The following MEGF8 variants were observed in gnomAD, a reference collection of about 807,000 sequenced individuals.
The protein encoded by MEGF8 is multiple epidermal growth factor-like domains protein 8.
In MEGF8, 156 loss-of-function variants were observed where a neutral mutation model predicts 302.9. That is an observed-to-expected ratio of 0.52 (90% CI 0.45 to 0.59). The LOEUF is 0.59. Among genes scored for constraint, MEGF8 ranks in the 20% least tolerant of loss-of-function variants. The probability of loss-of-function intolerance (pLI) is 0.00; values close to 1 mark genes in which losing one functional copy is unlikely to be tolerated. For synonymous variants in MEGF8, 1,621 were observed against 1,660.5 expected, an observed-to-expected ratio of 0.98 and a Z score of 0.58; for missense variants, 3,345 against 3,964.5, an observed-to-expected ratio of 0.84 and a Z score of 4.20.
rs35096733 is a variant in MEGF8, at chr19:42,341,429, C to CAA, written c.1514-2028_1514-2027dup. Among the ~76,000 whole-genome samples the CAA allele has an allele frequency of 2.9e-3, 162 of 56,222 alleles. 1 individual carries two copies. The highest frequency in any genetic ancestry group is 0.016 in the South Asian group (28 of 1,802). 36.9% of individuals were successfully genotyped at this position (56,222 alleles called of 152,430 possible). ...GGGTAACAGAGGGATACTCCATCTC[C>CAA]AAAAAAAAAAAAAAAAAAAAACACA... On this transcript the variant is annotated intron_variant, in intron 8 of 41. Coordinates refer to ENST00000251268, the MANE Select transcript of MEGF8 (RefSeq NM_001271938.2).
Position 42,370,262 on chromosome 19 carries a change from A to G in MEGF8, c.6908A>G (p.His2303Arg). Residue 2303 changes from histidine (H) to arginine (R), a missense_variant, in exon 39 of 42, where the codon CAC (histidine) becomes CGC (arginine). His to Arg is a conservative substitution (Grantham distance 29, BLOSUM62 0). Transcript: ENST00000251268. ...AVGGGTCRPC[H>R]AFCRGNSHIC... The stretch of plus-strand genomic sequence containing the variant: ...GGAGGCGGGACCTGCCGGCCCTGCC[A>G]CGCCTTTTGTCGTGGAAATAGCCAC... 6.2e-7 allele frequency: 1 copy of G among 1,613,928 alleles called. No homozygotes were observed. The highest frequency in any genetic ancestry group is 8.5e-7 in the Non-Finnish European group (1 of 1,179,890).
At chr19:42,333,149 G>A (rs1200619096) in intron 1 of MEGF8, among the ~76,000 whole-genome samples, 1 of 152,178 alleles carries the variant, frequency 6.6e-6, no homozygotes, top group Admixed American at 6.5e-5. Context: ...TCTATTCAGC[G>A]TGGGCCAGGG....
Position 42,357,502 on chromosome 19 carries a change from T to C in MEGF8, c.4929T>C (p.Asn1643=), listed in dbSNP as rs747890643. 16 of 1,613,442 alleles carry C rather than the reference T, an allele frequency of 9.9e-6. No individual in the cohort carries two copies. Among genetic ancestry groups the C allele is most frequent in the South Asian group, 7.7e-5 (7 of 91,068 alleles). The change falls in exon 28 of 42, where the codon AAT becomes AAC. Residue 1643 remains asparagine (N), a synonymous_variant. Coordinates refer to ENST00000251268, the MANE Select transcript of MEGF8 (RefSeq NM_001271938.2). This position sits in a 1 kb window ranked among gnomAD's most constrained non-coding sequence, Gnocchi z 5.2. ...TGGTGGGCGGTTACTCCCCGGAAAA[T>C]GGCTTCAACCAGCAGCTGCTGGAGT... ...LLLVGGYSPE[N]GFNQQLLEYQ...
At position 42,359,173 on chromosome 19, in the gene MEGF8, G is replaced by A; in HGVS notation, c.5419G>A (p.Asp1807Asn). The A allele has an allele frequency of 6.2e-7, 1 of 1,603,916 alleles. No homozygotes were observed. Among genetic ancestry groups the A allele is most frequent in the South Asian group, 1.1e-5 (1 of 89,748 alleles). The change falls in exon 31 of 42, where the codon GAC becomes AAC. Residue 1807 changes from aspartate (D) to asparagine (N), a missense_variant. Physicochemically the swap from Asp to Asn is conservative, Grantham distance 23 (BLOSUM62 1). Coordinates refer to ENST00000251268, the MANE Select transcript of MEGF8 (RefSeq NM_001271938.2). ...MVVLGGRSDP[D>N]EFSSDVLLYQ... ...GGTTCTTGGGGGGCGCTCGGACCCT[G>A]ACGAGTTCAGCAGCGACGTTCTGCT...
chr19:42,334,155 C>T lies in MEGF8; in HGVS notation c.500C>T (p.Pro167Leu), dbSNP rs62114375. 1.2e-6 allele frequency: 2 copies of T among 1,611,412 alleles called. No homozygotes were observed. Among genetic ancestry groups the T allele is most frequent in the Admixed American group, 3.3e-5 (2 of 59,970 alleles). The change falls in exon 3 of 42, where the codon CCT becomes CTT. Residue 167 changes from proline (P) to leucine (L), a missense_variant. By Grantham distance (98) the Pro-to-Leu change is moderately conservative (BLOSUM62 -3). Coordinates refer to ENST00000251268, the MANE Select transcript of MEGF8 (RefSeq NM_001271938.2). ...VCACEPGWGG[P>L]DCGLQECSAY... ...GCCTGCGAGCCGGGCTGGGGGGGTC[C>T]TGACTGTGGCCTGCAGGAGTGCTCA...
rs112934297 is a variant in MEGF8, at chr19:42,355,861, C to T, written c.4248C>T (p.Pro1416=). 4.3e-5 allele frequency: 67 copies of T among 1,569,472 alleles called. No homozygotes were observed. In the African/African-American group the frequency reaches 4.6e-4, roughly 11 times the overall value. The change falls in exon 24 of 42, where the codon CCC becomes CCT. Residue 1416 remains proline, a synonymous_variant. Coordinates refer to ENST00000251268, the MANE Select transcript of MEGF8 (RefSeq NM_001271938.2). ...RCGSGGPGSC[P]VPQECVPQDG... is the part of the protein sequence containing the mutation. ...GGTCAGGGGGCCCCGGGAGCTGTCC[C>T]GTCCCCCAGGAATGCGTGCCCCAGG... is the stretch of plus-strand genomic sequence containing the variant.
At position 42,355,913 on chromosome 19, in the gene MEGF8, C is replaced by A. The variant is rs1035497941; in HGVS notation, c.4300C>A (p.Arg1434=). The A allele has an allele frequency of 1.9e-6, 3 of 1,598,396 alleles. 1 individual carries two copies. The African/African-American group carries it at 4.0e-5, about 21-fold the overall frequency. ...QDGAAGAGLC[R]CPQGWAGPHC... Reference sequence around the variant, plus strand: ...CGGTGCTGCAGGTGCGGGGCTCTGCCGATGTCCTCAGGGCTGGGCTGGCCC... The same window carrying A: ...CGGTGCTGCAGGTGCGGGGCTCTGCAGATGTCCTCAGGGCTGGGCTGGCCC... Residue 1434 remains arginine, a synonymous_variant, in exon 24 of 42, where the codon CGA becomes AGA. Coordinates refer to ENST00000251268, the MANE Select transcript of MEGF8 (RefSeq NM_001271938.2).
rs1208577092 is a variant in MEGF8 at position 42,359,167 on chromosome 19, G to A, written c.5413G>A (p.Asp1805Asn). ...DTMVVLGGRSDPDEFSSDVLL... is the reference protein window; with the variant it reads ...DTMVVLGGRSNPDEFSSDVLL... ...CATGGTGGTTCTTGGGGGGCGCTCGGACCCTGACGAGTTCAGCAGCGACGT... is the reference window on the plus strand; with the variant it reads ...CATGGTGGTTCTTGGGGGGCGCTCGAACCCTGACGAGTTCAGCAGCGACGT... Residue 1805 changes from aspartate (D) to asparagine (N), a missense_variant, in exon 31 of 42, where the codon GAC (aspartate) becomes AAC (asparagine). By Grantham distance (23) the Asp-to-Asn change is conservative. Transcript: ENST00000251268. 1 of 1,602,702 alleles carries A rather than the reference G, an allele frequency of 6.2e-7. No homozygotes were observed. The highest frequency in any genetic ancestry group is 8.5e-7 in the Non-Finnish European group (1 of 1,174,842).
chr19:42,356,955 A>C lies in MEGF8; in HGVS notation c.4804A>C (p.Thr1602Pro). 1 of 1,608,528 alleles carries C rather than the reference A, an allele frequency of 6.2e-7. No individual in the cohort carries two copies. The highest frequency in any genetic ancestry group is 8.5e-7 in the Non-Finnish European group (1 of 1,177,772). Residue 1602 changes from threonine to proline, a missense_variant, in exon 27 of 42, where the codon ACC becomes CCC. By Grantham distance (38) the Thr-to-Pro change is conservative. Coordinates refer to ENST00000251268, the MANE Select transcript of MEGF8 (RefSeq NM_001271938.2). This position sits in a 1 kb window ranked among gnomAD's most constrained non-coding sequence, Gnocchi z 5.2. The stretch of plus-strand genomic sequence containing the variant: ...CCGTGATTTCTGGGTCCTCAACCTC[A>C]CCACCCTGCAATGGCGGCAGGAGAA... ...VTRDFWVLNL[T>P]TLQWRQEKAP...
Position 42,357,077 on chromosome 19 carries a change from C to T in MEGF8, c.4830+96C>T. 7.8e-7 allele frequency: 1 copy of T among 1,283,512 alleles called. No homozygotes were observed. Among genetic ancestry groups the T allele is most frequent in the Non-Finnish European group, 1.1e-6 (1 of 945,382 alleles). 79.5% of individuals were successfully genotyped at this position (1,283,512 alleles called of 1,614,324 possible). A position where few individuals can be genotyped will look rare whatever the true frequency, so the allele number is the denominator to read the frequency against. On this transcript the variant is annotated intron_variant, in intron 27 of 41. Coordinates refer to ENST00000251268, the MANE Select transcript of MEGF8 (RefSeq NM_001271938.2). This position sits in a 1 kb window ranked among gnomAD's most constrained non-coding sequence, Gnocchi z 5.2. ...CTGCCAGCTCCATCCCCAGAGGAAA[C>T]AGAAGCCCCAAACTTGAATTTCCTC...
chr19:42,366,391 G>A (rs551515759), intron 35 of MEGF8, among the ~76,000 whole-genome samples: 1 of 152,232 alleles, frequency 6.6e-6, no homozygotes, highest in South Asian at 2.1e-4. Flanking sequence ...AGTAGAGACT[G>A]GGTGTCACCA....
chr19:42,368,209 C>T lies in MEGF8; in HGVS notation c.6274-246C>T, dbSNP rs1384508248. On this transcript the variant is annotated intron_variant, in intron 35 of 41. Transcript: ENST00000251268. The surrounding 1 kb of genome is among the most constrained non-coding windows in gnomAD (Gnocchi z 4.9). ...TTGGGATTACAGGTGTGAGCCACTGCGGCCAGGCAACCTTCCAGTTTCAAG... is the reference window on the plus strand; with the variant it reads ...TTGGGATTACAGGTGTGAGCCACTGTGGCCAGGCAACCTTCCAGTTTCAAG... Among the ~76,000 whole-genome samples, 3 of 152,258 alleles carry T rather than the reference C, an allele frequency of 2.0e-5. No individual in the cohort carries two copies. In the East Asian group the frequency reaches 5.8e-4, roughly 29 times the overall value.
In MEGF8 at chr19:42,369,733, C is replaced by T. The variant is rs1231754468; in HGVS notation, c.6834+10C>T. 4 of 1,593,568 alleles carry T rather than the reference C, an allele frequency of 2.5e-6. No individual in the cohort carries two copies. The highest frequency in any genetic ancestry group is 2.6e-6 in the Non-Finnish European group (3 of 1,171,530). On this transcript the variant is annotated intron_variant, in intron 38 of 41. Transcript: ENST00000251268. This position sits in a 1 kb window ranked among gnomAD's most constrained non-coding sequence, Gnocchi z 5.7. ...CCGCAACCACACCAAGGTGGGCCGC[C>T]CGGAGCCTCAGACCCCCGACCCTGG... is the stretch of plus-strand genomic sequence containing the variant.
rs1412364617 is a variant in MEGF8 at position 42,357,590 on chromosome 19, G to C, written c.5011+6G>C. 2 of 1,588,386 alleles carry C rather than the reference G, an allele frequency of 1.3e-6. No homozygotes were observed. The highest frequency in any genetic ancestry group is 2.3e-5 in the East Asian group (1 of 43,446). On this transcript the variant is annotated splice_donor_region_variant and intron_variant, in intron 28 of 41. Coordinates refer to ENST00000251268, the MANE Select transcript of MEGF8 (RefSeq NM_001271938.2). The surrounding 1 kb of genome is among the most constrained non-coding windows in gnomAD (Gnocchi z 5.2). The stretch of plus-strand genomic sequence containing the variant: ...GAGTGGGACACCCCCCACAGGTGGG[G>C]CTGGGGACCGGGAGGGGACAGCCCC...
chr19:42,358,221 G>C lies in MEGF8; in HGVS notation c.5089G>C (p.Glu1697Gln). The change falls in exon 29 of 42, where the codon GAG becomes CAG. Residue 1697 changes from glutamate (E) to glutamine (Q), a missense_variant. Glu to Gln is a conservative substitution (Grantham distance 29). Coordinates refer to ENST00000251268, the MANE Select transcript of MEGF8 (RefSeq NM_001271938.2). This position sits in a 1 kb window ranked among gnomAD's most constrained non-coding sequence, Gnocchi z 4.4. ...YVFGGFRFHVELAAPSPELYS... is the reference protein window; with the variant it reads ...YVFGGFRFHVQLAAPSPELYS... ...GTTTGGGGGGTTCCGATTCCATGTG[G>C]AGCTGGCGGCCCCATCCCCCGAGCT... 1.9e-6 allele frequency: 3 copies of C among 1,599,994 alleles called. No individual in the cohort carries two copies. The South Asian group carries it at 3.4e-5, about 18-fold the overall frequency.
chr19:42,333,961 A>G lies in MEGF8; in HGVS notation c.352-46A>G, dbSNP rs751814110. 1.3e-5 allele frequency: 21 copies of G among 1,580,162 alleles called. No individual in the cohort carries two copies. The African/African-American group carries it at 2.2e-4, about 16-fold the overall frequency. ...AGGAGTGGGCCACCCTCCCAGGACA[A>G]TCCCCAGGCCCTGCCCACCTTACCC... On this transcript the variant is annotated intron_variant, in intron 2 of 41. Coordinates refer to ENST00000251268, the MANE Select transcript of MEGF8 (RefSeq NM_001271938.2).
At chr19:42,339,902 C>G (rs1022168076) in intron 8 of MEGF8, among the ~76,000 whole-genome samples, 7 of 152,036 alleles carry the variant, frequency 4.6e-5, no homozygotes, top group African/African-American at 1.7e-4. Flanking sequence ...ACTAAAAATA[C>G]AAAAAATTAG....
Position 42,348,443 on chromosome 19 carries a change from A to G in MEGF8, c.2269A>G (p.Met757Val). 1 of 1,529,972 alleles carries G rather than the reference A, an allele frequency of 6.5e-7. No individual in the cohort carries two copies. The highest frequency in any genetic ancestry group is 8.8e-7 in the Non-Finnish European group (1 of 1,141,260). 94.8% of individuals were successfully genotyped at this position (1,529,972 alleles called of 1,614,324 possible). Residue 757 changes from methionine (M) to valine (V), a missense_variant, in exon 13 of 42, where the codon ATG becomes GTG. By Grantham distance (21) the Met-to-Val change is conservative. Transcript: ENST00000251268. ...CCAGCGCCTACACGTCCTGGCCCGG[A>G]TGGCCCGTGGCCCTGACACGGAGAA... ...RAQRLHVLAR[M>V]ARGPDTENME...
chr19:42,341,615 A>AT (rs2039216500), intron 8 of MEGF8, among the ~76,000 whole-genome samples: 1 of 151,876 alleles, frequency 6.6e-6, no homozygotes, highest in African/African-American at 2.4e-5. Context: ...TAAATAAAAT[A>AT]TTTTTGTTTT....
Sources: gnomAD v4.1 joint callset for allele counts (sites outside exome capture counted in the v4.1 genomes callset) on GRCh38, gnomAD v4.1.1 for gene constraint, Gnocchi (gnomAD v3.1) non-coding constraint, MANE v1.5 for transcripts, NCBI Gene and HGNC (gene_info 2026-07-23, HGNC 2026-07-21) for gene names.